The following AMPH variants were observed in gnomAD, a reference collection of about 807,000 sequenced individuals.
The protein encoded by AMPH is amphiphysin (Stiff-Mann syndrome with breast cancer 128kD autoantigen).
Under a neutral mutation model 99.1 loss-of-function variants are expected in AMPH, and 49 were observed. The ratio of observed to expected loss-of-function variants is 0.49; its 90% CI spans 0.39 to 0.63. The LOEUF is 0.63. AMPH is among the 20% of genes least tolerant of loss of function. The pLI, the probability that AMPH is intolerant of heterozygous loss-of-function variation, is 0.00. For synonymous variants in AMPH, 314 were observed against 317.3 expected (o/e 0.99, Z 0.11); for missense variants, 759 against 863.4 (o/e 0.88, Z 1.52).
intron 1 of AMPH, among the ~76,000 whole-genome samples, chr7:38,624,408 A>C (rs1794174437): frequency 6.6e-6 from 1 of 152,016 alleles, no homozygotes; most frequent in African/African-American, 2.4e-5. Flanking sequence ...TATTAGTATT[A>C]TTTTTGAGAT....
chr7:38,626,484 C>T (rs528849380), intron 1 of AMPH, among the ~76,000 whole-genome samples: 4 of 152,292 alleles, frequency 2.6e-5, no homozygotes, highest in African/African-American at 9.6e-5. Flanking sequence ...GGAAAACTGG[C>T]TAGCCATATG....
At chr7:38,387,692 T>C (rs182974992) in intron 20 of AMPH, among the ~76,000 whole-genome samples, 8 of 151,284 alleles carry the variant, frequency 5.3e-5, no homozygotes, top group African/African-American at 1.7e-4. Context: ...AAGAGAATAA[T>C]TCAGAAAAAA....
intron 3 of AMPH, among the ~76,000 whole-genome samples, chr7:38,501,605 A>G (rs1020308039): frequency 6.6e-6 from 1 of 152,180 alleles, no homozygotes; most frequent in Non-Finnish European, 1.5e-5. Flanking sequence ...TTTTAGTTTA[A>G]AAATCAATTT....
intron 2 of AMPH, among the ~76,000 whole-genome samples, chr7:38,533,134 G>C (rs530984491): frequency 6.6e-6 from 1 of 152,176 alleles, no homozygotes; most frequent in East Asian, 1.9e-4. Flanking sequence ...CTACCCACAC[G>C]CAGGAGATGT....
At chr7:38,492,782 C>T (rs932897383) in intron 4 of AMPH, among the ~76,000 whole-genome samples, 4 of 151,788 alleles carry the variant, frequency 2.6e-5, no homozygotes, top group East Asian at 1.9e-4. Context: ...GTGACCTTTG[C>T]CACACATAGA....
chr7:38,593,503 G>T (rs1411524107), intron 1 of AMPH, among the ~76,000 whole-genome samples: 1 of 152,170 alleles, frequency 6.6e-6, no homozygotes, highest in Non-Finnish European at 1.5e-5. Context: ...AATATTAAAG[G>T]ACCTGTAATT....
At chr7:38,417,075 C>T (rs769618962) in intron 17 of AMPH, among the ~76,000 whole-genome samples, 1 of 152,162 alleles carries the variant, frequency 6.6e-6, no homozygotes, top group South Asian at 2.1e-4. Flanking sequence ...TGTTGGAAGA[C>T]ATTTTTCTGC....
chr7:38,571,277 ATTT>A (rs557961776), intron 1 of AMPH, among the ~76,000 whole-genome samples: 1,420 of 54,106 alleles, frequency 0.026, 121 homozygotes, highest in African/African-American at 0.1. Context: ...TTATATATAT[ATTT>A]TTATATATAT....
intron 5 of AMPH, among the ~76,000 whole-genome samples, chr7:38,489,418 G>C (rs915006843): frequency 6.6e-6 from 1 of 151,742 alleles, no homozygotes; most frequent in Non-Finnish European, 1.5e-5. Context: ...GGGGGGGGAA[G>C]CTTCATTTTC....
At chr7:38,439,703 T>C (rs2128997413) in intron 11 of AMPH, among the ~76,000 whole-genome samples, 1 of 152,332 alleles carries the variant, frequency 6.6e-6, no homozygotes, top group African/African-American at 2.4e-5. Context: ...ACTTGGAATG[T>C]GCTCCTAAGA....
At chr7:38,393,625 A>G (rs1784579924) in intron 18 of AMPH, among the ~76,000 whole-genome samples, 1 of 144,940 alleles carries the variant, frequency 6.9e-6, no homozygotes, top group Admixed American at 7.1e-5. Flanking sequence ...AATAAGAATA[A>G]TAAGATCTAA....
chr7:38,511,427 A>C (rs901912827), intron 2 of AMPH, among the ~76,000 whole-genome samples: 1 of 152,196 alleles, frequency 6.6e-6, no homozygotes, highest in African/African-American at 2.4e-5. Flanking sequence ...TCAGAAAGTT[A>C]TTTTATAGCT....
At chr7:38,481,833 G>T (rs1049491763) in intron 5 of AMPH, among the ~76,000 whole-genome samples, 6 of 152,170 alleles carry the variant, frequency 3.9e-5, no homozygotes, top group African/African-American at 1.2e-4. Flanking sequence ...GAGTATTTTT[G>T]TAAAATACTC....
intron 3 of AMPH, 22 bp downstream of exon 3, chr7:38,503,628 G>A (rs781012242): frequency 1.9e-5 from 30 of 1,611,430 alleles, no homozygotes; most frequent in Non-Finnish European, 2.5e-5. Flanking sequence ...GTAACATGCA[G>A]TAAACAACTC....
chr7:38,465,341 G>C (rs1007416847), intron 9 of AMPH, 126 bp downstream of exon 9: 1 of 730,100 alleles, frequency 1.4e-6, no homozygotes, highest in African/African-American at 1.8e-5. Flanking sequence ...ATTAGTGTCA[G>C]CTTCTAGGGT....
chr7:38,572,674 G>A (rs1562836656), intron 1 of AMPH, among the ~76,000 whole-genome samples: 1 of 152,202 alleles, frequency 6.6e-6, no homozygotes, highest in Non-Finnish European at 1.5e-5. Context: ...ATGGGAAGCT[G>A]CTGGTAAAGC....
At chr7:38,442,940 G>A (rs887942267) in intron 11 of AMPH, among the ~76,000 whole-genome samples, 2 of 151,942 alleles carry the variant, frequency 1.3e-5, no homozygotes, top group Non-Finnish European at 2.9e-5. Flanking sequence ...TATTTGAGAC[G>A]ATCAATAAAA....
intron 5 of AMPH, among the ~76,000 whole-genome samples, chr7:38,479,915 C>G (rs996335848): frequency 3.3e-5 from 5 of 151,924 alleles, no homozygotes; most frequent in African/African-American, 1.2e-4. Context: ...CTAAGAGATT[C>G]TGATTTAATT....
chr7:38,501,498 T>A (rs371888411), intron 3 of AMPH, among the ~76,000 whole-genome samples: 5 of 152,318 alleles, frequency 3.3e-5, no homozygotes, highest in Middle Eastern at 3.4e-3. Context: ...GTAACTCACT[T>A]TCTTATCTAT....
Sources: gnomAD v4.1 joint callset for allele counts (sites outside exome capture counted in the v4.1 genomes callset) on GRCh38, gnomAD v4.1.1 for gene constraint, MANE v1.5 for transcripts, NCBI Gene and HGNC (gene_info 2026-07-23, HGNC 2026-07-21) for gene names.